PLCXD3: variants seen among roughly 807,000 people sequenced by gnomAD.
The protein encoded by PLCXD3 is phosphatidylinositol specific phospholipase C X domain containing 3, also known as PI-PLC X domain-containing protein 3.
In PLCXD3, 19 loss-of-function variants were observed where a neutral mutation model predicts 25.5. The ratio of observed to expected loss-of-function variants is 0.75; its 90% CI spans 0.52 to 1.09. The LOEUF (loss-of-function observed/expected upper bound fraction) is 1.09, where lower values mean the gene tolerates loss of function less well. PLCXD3 is among the 50% of genes least tolerant of loss of function. The pLI, the probability that PLCXD3 is intolerant of heterozygous loss-of-function variation, is 0.00. For synonymous variants in PLCXD3, 174 were observed against 137.6 expected (o/e 1.26, Z -1.85); for missense variants, 411 against 388.1 (o/e 1.06, Z -0.50).
At chr5:41,427,575 T>C (rs1680820499) in intron 1 of PLCXD3, among the ~76,000 whole-genome samples, 1 of 152,198 alleles carries the variant, frequency 6.6e-6, no homozygotes, top group African/African-American at 2.4e-5. Context: ...AGTTTTGTGG[T>C]TGCTAATGTT....
At chr5:41,498,987 A>G (rs1358323039) in intron 1 of PLCXD3, among the ~76,000 whole-genome samples, 1 of 151,576 alleles carries the variant, frequency 6.6e-6, no homozygotes, top group African/African-American at 2.4e-5. Context: ...AACAAATTAG[A>G]TATAAGAGAA....
chr5:41,341,717 A>G (rs78134819), intron 2 of PLCXD3, among the ~76,000 whole-genome samples: 2 of 148,994 alleles, frequency 1.3e-5, no homozygotes, highest in Non-Finnish European at 3.0e-5. Context: ...GCCATGGTAG[A>G]AAAAAAAAAG....
chr5:41,372,728 A>C (rs569564358), intron 2 of PLCXD3, among the ~76,000 whole-genome samples: 124 of 152,108 alleles, frequency 8.2e-4, no homozygotes, highest in Non-Finnish European at 1.5e-3. Flanking sequence ...CTTGACCAAA[A>C]GGACCCCAGA....
intron 2 of PLCXD3, among the ~76,000 whole-genome samples, chr5:41,365,142 T>A (rs1226101634): frequency 6.6e-6 from 1 of 152,182 alleles, no homozygotes; most frequent in Non-Finnish European, 1.5e-5. Flanking sequence ...TAGTCTAATA[T>A]CTTATTGTGT....
rs193190022 is a variant in PLCXD3, at chr5:41,383,368, T to C, written c.104-834A>G. ...AGAAAAAGGACTATTTATTTGATTATTTTTGGCAGTTGCAAATTTCAAGAC... is the reference window on the plus strand; with the variant it reads ...AGAAAAAGGACTATTTATTTGATTACTTTTGGCAGTTGCAAATTTCAAGAC... On this transcript the variant is annotated intron_variant, in intron 1 of 2. Transcript: ENST00000377801. Among the ~76,000 whole-genome samples the C allele has an allele frequency of 4.5e-3, 686 of 152,224 alleles. 6 individuals are homozygous for C. Among genetic ancestry groups the C allele is most frequent in the African/African-American group, 0.016 (662 of 41,566 alleles).
intron 2 of PLCXD3, among the ~76,000 whole-genome samples, chr5:41,344,080 G>A (rs750160067): frequency 1.3e-5 from 2 of 152,134 alleles, no homozygotes; most frequent in Admixed American, 6.5e-5. Context: ...CTAAATTGAT[G>A]TTCTGAATTA....
intron 1 of PLCXD3, among the ~76,000 whole-genome samples, chr5:41,446,076 T>C (rs1251796913): frequency 6.8e-6 from 1 of 146,850 alleles, no homozygotes; most frequent in Non-Finnish European, 1.5e-5. Flanking sequence ...TAGTCCCAGC[T>C]TCTTGGGAGG....
chr5:41,427,482 T>C (rs1194496716), intron 1 of PLCXD3, among the ~76,000 whole-genome samples: 1 of 152,214 alleles, frequency 6.6e-6, no homozygotes, highest in African/African-American at 2.4e-5. Context: ...TTCCTTTGGC[T>C]TCTAAACATT....
At chr5:41,353,116 A>G (rs962920708) in intron 2 of PLCXD3, among the ~76,000 whole-genome samples, 6 of 146,596 alleles carry the variant, frequency 4.1e-5, no homozygotes, top group Non-Finnish European at 1.5e-5. Flanking sequence ...TTTTTGAGAC[A>G]GAGTCTCGCT....
intron 1 of PLCXD3, among the ~76,000 whole-genome samples, chr5:41,400,765 A>G (rs1441259934): frequency 6.6e-6 from 1 of 152,004 alleles, no homozygotes; most frequent in Non-Finnish European, 1.5e-5. Flanking sequence ...AATGAGTAAG[A>G]CCCACTATTT....
At chr5:41,462,561 A>T (rs1251083631) in intron 1 of PLCXD3, among the ~76,000 whole-genome samples, 1 of 152,020 alleles carries the variant, frequency 6.6e-6, no homozygotes, top group African/African-American at 2.4e-5. Context: ...TTGAAATCTG[A>T]TAGAAGAAGA....
At chr5:41,477,593 C>T (rs1748309047) in intron 1 of PLCXD3, among the ~76,000 whole-genome samples, 2 of 152,138 alleles carry the variant, frequency 1.3e-5, no homozygotes, top group Admixed American at 6.5e-5. Flanking sequence ...ATGTCCCTCC[C>T]ATGATTCTAA....
At chr5:41,370,928 A>AT (rs1745076155) in intron 2 of PLCXD3, among the ~76,000 whole-genome samples, 2 of 152,070 alleles carry the variant, frequency 1.3e-5, no homozygotes, top group African/African-American at 2.4e-5. Flanking sequence ...ATGTTCTTCT[A>AT]TTTTTTTCCT....
chr5:41,424,282 G>A (rs529408076), intron 1 of PLCXD3, among the ~76,000 whole-genome samples: 3 of 152,078 alleles, frequency 2.0e-5, no homozygotes, highest in Non-Finnish European at 2.9e-5. Flanking sequence ...GGTGGCTCAC[G>A]CCTGTAATCC....
chr5:41,346,397 G>C (rs577865075), intron 2 of PLCXD3, among the ~76,000 whole-genome samples: 1 of 152,198 alleles, frequency 6.6e-6, no homozygotes, highest in East Asian at 1.9e-4. Flanking sequence ...ACAGTTCTAT[G>C]GGTTTTGACA....
intron 1 of PLCXD3, among the ~76,000 whole-genome samples, chr5:41,410,918 G>T (rs1746500016): frequency 6.6e-6 from 1 of 152,060 alleles, no homozygotes; most frequent in Non-Finnish European, 1.5e-5. Context: ...TTCTCCACTG[G>T]AGCCTCCTGG....
At chr5:41,350,991 C>A (rs1007437290) in intron 2 of PLCXD3, among the ~76,000 whole-genome samples, 1 of 152,070 alleles carries the variant, frequency 6.6e-6, no homozygotes, top group Admixed American at 6.6e-5. Context: ...AGTCACCAAA[C>A]CATACTTTAT....
intron 1 of PLCXD3, among the ~76,000 whole-genome samples, chr5:41,439,203 A>G (rs182312754): frequency 4.6e-5 from 7 of 152,330 alleles, no homozygotes; most frequent in East Asian, 1.9e-4. Flanking sequence ...AAATTTGTCC[A>G]TAAAAAAATA....
intron 2 of PLCXD3, among the ~76,000 whole-genome samples, chr5:41,356,746 A>G (rs1452983445): frequency 6.6e-6 from 1 of 151,992 alleles, no homozygotes; most frequent in Non-Finnish European, 1.5e-5. Flanking sequence ...TGGTGAAGTG[A>G]CCCCCCAAAG....
Sources: gnomAD v4.1 joint callset for allele counts (sites outside exome capture counted in the v4.1 genomes callset) on GRCh38, gnomAD v4.1.1 for gene constraint, MANE v1.5 for transcripts, NCBI Gene and HGNC (gene_info 2026-07-23, HGNC 2026-07-21) for gene names.